Variants in GAREM1 observed in about 807,000 individuals in gnomAD.
GAREM1 encodes the protein GRB2 associated regulator of MAPK1 subtype 1.
A neutral mutation model predicts 71.3 loss-of-function variants in GAREM1; 26 were observed. That is an observed-to-expected ratio of 0.36 (90% CI 0.27 to 0.51). The LOEUF (loss-of-function observed/expected upper bound fraction) is 0.51. Ranked by LOEUF, GAREM1 falls within the 20% of genes least tolerant of loss-of-function variation. GAREM1 has a pLI of 0.95. For missense variants in GAREM1, 1,026 were observed against 1,103.1 expected (o/e 0.93, Z 0.99); for synonymous variants, 440 against 433.2 (o/e 1.02, Z -0.20).
At chr18:32,453,031 C>G (rs530768229) in intron 1 of GAREM1, among the ~76,000 whole-genome samples, 1 of 152,122 alleles carries the variant, frequency 6.6e-6, no homozygotes, top group East Asian at 1.9e-4. Flanking sequence ...ATACCCGAGA[C>G]TGGGTAATTT....
intron 1 of GAREM1, among the ~76,000 whole-genome samples, chr18:32,450,227 C>G (rs10502599): frequency 2.0e-5 from 3 of 152,114 alleles, no homozygotes; most frequent in African/African-American, 7.2e-5. Flanking sequence ...AACGGCTATC[C>G]TTTGCAATAC....
chr18:32,449,536 T>C (rs1227182919), intron 1 of GAREM1, among the ~76,000 whole-genome samples: 1 of 151,960 alleles, frequency 6.6e-6, no homozygotes, highest in East Asian at 1.9e-4. Flanking sequence ...TAAAAAAAAT[T>C]AGTTGGGTGT....
intron 1 of GAREM1, among the ~76,000 whole-genome samples, chr18:32,410,407 G>T (rs1389469304): frequency 6.6e-6 from 1 of 152,040 alleles, no homozygotes; most frequent in Non-Finnish European, 1.5e-5. Context: ...GGAGTGCATT[G>T]GCATGATCAT....
Position 32,270,239 on chromosome 18 carries a change from A to G in GAREM1, c.1711T>C (p.Tyr571His), listed in dbSNP as rs1000532154. 6 of 1,614,018 alleles carry G rather than the reference A, an allele frequency of 3.7e-6. No homozygotes were observed. Among genetic ancestry groups the G allele is most frequent in the Admixed American group, 3.3e-5 (2 of 59,998 alleles). ...TACATGTTGTGTAGCCCTGAAGAATAGTAGGACAAGGTGGGGCTGGGAGAG... is the reference window on the plus strand; with the variant it reads ...TACATGTTGTGTAGCCCTGAAGAATGGTAGGACAAGGTGGGGCTGGGAGAG... ...TRSPSPTLSY[Y>H]SSGLHNISVT... Residue 571 changes from tyrosine to histidine, a missense_variant, in exon 5 of 6, where the codon TAT becomes CAT. This residue lies in a region of GAREM1 where 636 missense variants were observed against 631.2 expected (regional missense o/e 1.01). Transcript: ENST00000269209.
Position 32,470,211 on chromosome 18 carries a change from A to C in GAREM1, c.121+97T>G. Reference sequence around the variant, plus strand: ...TCCGGCGCTCAGGGGCGGGCAGCCCACTCCCCGCGGGTCCCACCCTCTCCA... The same window carrying C: ...TCCGGCGCTCAGGGGCGGGCAGCCCCCTCCCCGCGGGTCCCACCCTCTCCA... On this transcript the variant is annotated intron_variant, in intron 1 of 5. Coordinates refer to ENST00000269209, the MANE Select transcript of GAREM1 (RefSeq NM_001242409.2). This position sits in a 1 kb window ranked among gnomAD's most constrained non-coding sequence, Gnocchi z 4.4. 1 of 1,275,076 alleles carries C rather than the reference A, an allele frequency of 7.8e-7. No homozygotes were observed. Among genetic ancestry groups the C allele is most frequent in the South Asian group, 2.3e-5 (1 of 43,926 alleles). The allele number at this position is 1,275,076 out of a possible 1,614,324, so 79.0% of individuals were successfully genotyped here.
At chr18:32,313,892 A>T (rs2047349945) in intron 2 of GAREM1, among the ~76,000 whole-genome samples, 1 of 152,134 alleles carries the variant, frequency 6.6e-6, no homozygotes, top group African/African-American at 2.4e-5. Flanking sequence ...GGCTTTAAGG[A>T]TATAGAGGTT....
At chr18:32,404,998 T>C (rs569922916) in intron 1 of GAREM1, among the ~76,000 whole-genome samples, 1 of 152,342 alleles carries the variant, frequency 6.6e-6, no homozygotes, top group East Asian at 1.9e-4. Context: ...TGGCACTTAA[T>C]ATAAATTTAA....
chr18:32,374,671 G>A (rs1440329247), intron 2 of GAREM1, among the ~76,000 whole-genome samples: 1 of 152,184 alleles, frequency 6.6e-6, no homozygotes, highest in Non-Finnish European at 1.5e-5. Context: ...ACACTGTTCT[G>A]TATAATATGT....
At chr18:32,270,920 G>C (rs79663291) in intron 4 of GAREM1, among the ~76,000 whole-genome samples, 1 of 17,262 alleles carries the variant, frequency 5.8e-5, no homozygotes, top group Non-Finnish European at 1.8e-4. Flanking sequence ...TTTTTTTTTT[G>C]AGATGGAGTC....
At chr18:32,381,456 A>G (rs59456493) in intron 2 of GAREM1, among the ~76,000 whole-genome samples, 23,030 of 152,138 alleles carry the variant, frequency 0.15, 2,036 homozygotes, top group African/African-American at 0.25. Flanking sequence ...AAGCTAGGGG[A>G]AAAAGTTTTA....
intron 4 of GAREM1, among the ~76,000 whole-genome samples, chr18:32,275,349 G>A (rs1480903537): frequency 1.3e-5 from 2 of 152,194 alleles, no homozygotes; most frequent in Admixed American, 6.5e-5. Context: ...GCAACACAAG[G>A]AGAGAGGGGC....
At chr18:32,297,901 A>G (rs1195533582) in intron 3 of GAREM1, among the ~76,000 whole-genome samples, 1 of 152,220 alleles carries the variant, frequency 6.6e-6, no homozygotes, top group African/African-American at 2.4e-5. Flanking sequence ...CTTTAAATCA[A>G]TATTTACTAT....
chr18:32,355,689 C>T (rs774718457), intron 2 of GAREM1, among the ~76,000 whole-genome samples: 17 of 152,128 alleles, frequency 1.1e-4, no homozygotes, highest in Non-Finnish European at 2.1e-4. Context: ...GACACCATTA[C>T]ATTTTATATA....
chr18:32,371,772 T>C (rs992150082), intron 2 of GAREM1, among the ~76,000 whole-genome samples: 4 of 151,940 alleles, frequency 2.6e-5, no homozygotes, highest in East Asian at 1.9e-4. Flanking sequence ...AGAGGAAAAC[T>C]AGGTGCATGT....
intron 4 of GAREM1, among the ~76,000 whole-genome samples, chr18:32,281,407 GCTTCATTAAAGAAACT>G (rs1377752486): frequency 6.6e-6 from 1 of 152,120 alleles, no homozygotes; most frequent in African/African-American, 2.4e-5. Flanking sequence ...AACACAGTGT[GCTTCATTAAAGAAACT>G]TTATGATGAA....
At chr18:32,454,959 C>T (rs1478378488) in intron 1 of GAREM1, among the ~76,000 whole-genome samples, 1 of 152,126 alleles carries the variant, frequency 6.6e-6, no homozygotes, top group Non-Finnish European at 1.5e-5. Flanking sequence ...AAGACAGGAT[C>T]CCTGCTCTCT....
chr18:32,366,843 GGGT>G (rs2047932736), intron 2 of GAREM1, among the ~76,000 whole-genome samples: 1 of 152,210 alleles, frequency 6.6e-6, no homozygotes. Context: ...AAAAACCAGT[GGGT>G]GGAATTTGGG....
At chr18:32,359,308 T>C (rs1046047465) in intron 2 of GAREM1, among the ~76,000 whole-genome samples, 3 of 152,206 alleles carry the variant, frequency 2.0e-5, no homozygotes, top group Non-Finnish European at 4.4e-5. Context: ...TCCATGTTTC[T>C]AAATATGAAT....
At chr18:32,269,632 A>G (rs2041428477) in intron 5 of GAREM1, among the ~76,000 whole-genome samples, 1 of 152,246 alleles carries the variant, frequency 6.6e-6, no homozygotes, top group Non-Finnish European at 1.5e-5. Context: ...AAAGTTACAC[A>G]GAGGTTGATT....
Sources: gnomAD v4.1 joint callset for allele counts (sites outside exome capture counted in the v4.1 genomes callset) on GRCh38, gnomAD v4.1.1 for gene constraint, gnomAD v4.1.1 regional missense constraint, Gnocchi (gnomAD v3.1) non-coding constraint, MANE v1.5 for transcripts, NCBI Gene and HGNC (gene_info 2026-07-23, HGNC 2026-07-21) for gene names.